Variants in MYO9B observed in about 807,000 individuals in gnomAD.
MYO9B encodes myosin IXB.
Under a neutral mutation model 229.5 loss-of-function variants are expected in MYO9B, and 71 were observed. The ratio of observed to expected loss-of-function variants is 0.31; its 90% CI spans 0.26 to 0.38. The LOEUF (loss-of-function observed/expected upper bound fraction) is 0.38, where lower values mean the gene tolerates loss of function less well. MYO9B is among the 10% of genes least tolerant of loss of function. The pLI is 1.00. For missense variants in MYO9B, 2,255 were observed against 2,920.5 expected, an observed-to-expected ratio of 0.77 and a Z score of 5.25; for synonymous variants, 1,185 against 1,235.8, an observed-to-expected ratio of 0.96 and a Z score of 0.86.
At chr19:17,086,511 T>C (rs899256813) in intron 1 of MYO9B, among the ~76,000 whole-genome samples, 4 of 152,242 alleles carry the variant, frequency 2.6e-5, no homozygotes, top group African/African-American at 9.6e-5. Context: ...TGCTGTGCAC[T>C]GTGGGACACT....
In MYO9B at chr19:17,193,172, A is replaced by C. The variant is rs2073005347; in HGVS notation, c.3128+110A>C. On this transcript the variant is annotated intron_variant, in intron 21 of 39. Transcript: ENST00000682292. This position sits in a 1 kb window ranked among gnomAD's most constrained non-coding sequence, Gnocchi z 4.3. ...TGGCCTGTGGCACTAAGGGGATGTC[A>C]TTCTGGACACAGGGAAAGGCTGGTG... The C allele has an allele frequency of 8.2e-7, 1 of 1,215,962 alleles. No individual in the cohort carries two copies. Among genetic ancestry groups the C allele is most frequent in the Non-Finnish European group, 1.1e-6 (1 of 917,984 alleles). 75.3% of individuals were successfully genotyped at this position (1,215,962 alleles called of 1,614,324 possible). A position where few individuals can be genotyped will look rare whatever the true frequency, so the allele number is the denominator to read the frequency against.
At chr19:17,170,574 G>C (rs2072711817) in intron 11 of MYO9B, among the ~76,000 whole-genome samples, 3 of 149,160 alleles carry the variant, frequency 2.0e-5, no homozygotes, top group Non-Finnish European at 4.4e-5. Context: ...CACTTTGGGA[G>C]GCCGAGGTGG....
At chr19:17,204,244 G>A (rs912847647) in intron 30 of MYO9B, among the ~76,000 whole-genome samples, 23 of 152,034 alleles carry the variant, frequency 1.5e-4, no homozygotes, top group Middle Eastern at 3.4e-3. Context: ...TCTGCAAGGC[G>A]TCAGCTGGGT....
chr19:17,079,623 G>A (rs1434930598), intron 1 of MYO9B, among the ~76,000 whole-genome samples: 1 of 152,064 alleles, frequency 6.6e-6, no homozygotes, highest in East Asian at 1.9e-4. Context: ...TTTGTTCTTG[G>A]TCCATCTTGC....
intron 4 of MYO9B, among the ~76,000 whole-genome samples, chr19:17,153,764 C>A (rs1391738542): frequency 1.3e-5 from 2 of 151,928 alleles, no homozygotes; most frequent in African/African-American, 4.8e-5. Flanking sequence ...CACCCACCCA[C>A]CTCCAATCCT....
At chr19:17,120,256 T>G (rs763337115) in intron 2 of MYO9B, among the ~76,000 whole-genome samples, 6 of 152,176 alleles carry the variant, frequency 3.9e-5, no homozygotes, top group Non-Finnish European at 7.4e-5. Flanking sequence ...CAGTATACCA[T>G]TCAGCGTTGG....
At chr19:17,174,153 C>CCG (rs2072756622) in intron 13 of MYO9B, among the ~76,000 whole-genome samples, 1 of 150,842 alleles carries the variant, frequency 6.6e-6, no homozygotes, top group Non-Finnish European at 1.5e-5. Flanking sequence ...CCTCAGCCTC[C>CCG]TAAGTAGCTG....
At chr19:17,133,033 A>T (rs1487027236) in intron 2 of MYO9B, among the ~76,000 whole-genome samples, 1 of 151,786 alleles carries the variant, frequency 6.6e-6, no homozygotes, top group Non-Finnish European at 1.5e-5. Context: ...TTTTTGGTAG[A>T]GACAGGGTTT....
chr19:17,192,259 C>G (rs2072993144), intron 20 of MYO9B, among the ~76,000 whole-genome samples: 1 of 148,998 alleles, frequency 6.7e-6, no homozygotes, highest in African/African-American at 2.5e-5. Flanking sequence ...GGCCACTGCA[C>G]TCCAGCCTGG....
At chr19:17,099,225 A>C (rs1360292167) in intron 1 of MYO9B, 1 of 151,470 alleles carries the variant, frequency 6.6e-6, no homozygotes, top group Non-Finnish European at 1.5e-5. Context: ...CAGTGAGCCG[A>C]GATCCGCCAC....
At chr19:17,113,545 C>G (rs12185526) in intron 2 of MYO9B, among the ~76,000 whole-genome samples, 2,453 of 152,254 alleles carry the variant, frequency 0.016, 36 homozygotes, top group South Asian at 0.041. Flanking sequence ...CCCATCCACA[C>G]AGGCAGGCGT....
chr19:17,106,124 T>G (rs2057791036), intron 2 of MYO9B, among the ~76,000 whole-genome samples: 2 of 151,920 alleles, frequency 1.3e-5, no homozygotes, highest in Admixed American at 1.3e-4. Context: ...CCCACCCAAG[T>G]AGCTGGAATT....
chr19:17,095,266 C>T (rs2057676605), intron 1 of MYO9B, among the ~76,000 whole-genome samples: 1 of 152,154 alleles, frequency 6.6e-6, no homozygotes, highest in Non-Finnish European at 1.5e-5. Context: ...CTAGTCAGTG[C>T]ATTCACCGTG....
Position 17,210,925 on chromosome 19 carries a change from G to T in MYO9B, c.5930+77G>T, listed in dbSNP as rs986268929. On this transcript the variant is annotated intron_variant, in intron 38 of 39. Transcript: ENST00000682292. ...GTGCAGGTTCCATCCCTGGTGGTCCGCTTGACCTCGCCAGGTTTGGTCCTG... is the reference window on the plus strand; with the variant it reads ...GTGCAGGTTCCATCCCTGGTGGTCCTCTTGACCTCGCCAGGTTTGGTCCTG... 2.0e-6 allele frequency: 3 copies of T among 1,518,386 alleles called. No homozygotes were observed. In the South Asian group the frequency reaches 3.6e-5, roughly 18 times the overall value. 94.1% of individuals were successfully genotyped at this position (1,518,386 alleles called of 1,614,324 possible). A position where few individuals can be genotyped will look rare whatever the true frequency, so the allele number is the denominator to read the frequency against.
intron 2 of MYO9B, among the ~76,000 whole-genome samples, chr19:17,125,129 A>G (rs1405234196): frequency 1.3e-5 from 2 of 151,978 alleles, no homozygotes; most frequent in African/African-American, 4.8e-5. Context: ...ATGAAACCCC[A>G]TCTCTACCAA....
chr19:17,127,915 A>C (rs1160407845), intron 2 of MYO9B, among the ~76,000 whole-genome samples: 1 of 152,178 alleles, frequency 6.6e-6, no homozygotes, highest in Non-Finnish European at 1.5e-5. Flanking sequence ...TTAATCCTCC[A>C]TCTGCTAAGG....
intron 5 of MYO9B, 79 bp from the exon 6 acceptor site, chr19:17,154,236 A>G: frequency 6.9e-7 from 1 of 1,443,164 alleles, no homozygotes; most frequent in Non-Finnish European, 9.7e-7. Flanking sequence ...CTGCCCCACC[A>G]GCTCCAGCCA....
At chr19:17,168,481 G>T (rs1171372789) in intron 11 of MYO9B, among the ~76,000 whole-genome samples, 2 of 152,132 alleles carry the variant, frequency 1.3e-5, no homozygotes, top group Admixed American at 6.6e-5. Context: ...CTGAGAACTT[G>T]TGTCTGTTCA....
intron 2 of MYO9B, among the ~76,000 whole-genome samples, chr19:17,118,263 G>A (rs557937427): frequency 5.9e-5 from 9 of 151,886 alleles, no homozygotes; most frequent in East Asian, 5.9e-4. Context: ...CTGGTCTGGC[G>A]CTCTGGACAG....
Sources: gnomAD v4.1 joint callset for allele counts (sites outside exome capture counted in the v4.1 genomes callset) on GRCh38, gnomAD v4.1.1 for gene constraint, Gnocchi (gnomAD v3.1) non-coding constraint, MANE v1.5 for transcripts, NCBI Gene and HGNC (gene_info 2026-07-23, HGNC 2026-07-21) for gene names.